SLC24A2: variants seen among roughly 807,000 people sequenced by gnomAD.
The protein encoded by SLC24A2 is solute carrier family 24 member 2, also known as sodium/potassium/calcium exchanger 2.
In SLC24A2, 36 loss-of-function variants were observed where a neutral mutation model predicts 62.0. The observed-to-expected ratio is 0.58, with a 90% CI of 0.44 to 0.77. The LOEUF (loss-of-function observed/expected upper bound fraction) is 0.77, where lower values mean the gene tolerates loss of function less well. Among genes scored for constraint, SLC24A2 ranks in the 30% least tolerant of loss-of-function variants. The probability of loss-of-function intolerance (pLI) is 0.00; values close to 1 mark genes in which losing one functional copy is unlikely to be tolerated. For missense variants in SLC24A2, 846 were observed against 817.9 expected (o/e 1.03, Z -0.42); for synonymous variants, 358 against 294.0 (o/e 1.22, Z -2.23).
At chr9:19,919,596 A>G in the SLC24A2 span, among the ~76,000 whole-genome samples, 1 of 152,184 alleles carries the variant, frequency 6.6e-6, no homozygotes, top group Non-Finnish European at 1.5e-5. Context: ...GTCTGTATTA[A>G]TTTATTCTCA....
At chr9:20,051,507 GA>G in the SLC24A2 span, among the ~76,000 whole-genome samples, 1 of 151,944 alleles carries the variant, frequency 6.6e-6, no homozygotes, top group African/African-American at 2.4e-5. Context: ...TGGACATACA[GA>G]GAACAGTACT....
At position 19,786,738 on chromosome 9, in the gene SLC24A2, G is replaced by T; in HGVS notation, c.129C>A (p.Phe43Leu). Reference protein sequence around the residue: ...KLKLIRVLGLFMGLVAISTVS... With the variant: ...KLKLIRVLGLLMGLVAISTVS... ...CAGTGCTAATGGCTACCAGACCCAT[G>T]AAAAGGCCTAAGACTCGAATTAACT... Residue 43 changes from phenylalanine to leucine, a missense_variant, in exon 2 of 11, where the codon TTC becomes TTA. By Grantham distance (22) the Phe-to-Leu change is conservative. Transcript: ENST00000341998. The surrounding 1 kb of genome is among the most constrained non-coding windows in gnomAD (Gnocchi z 5.0). 1 of 1,604,870 alleles carries T rather than the reference G, an allele frequency of 6.2e-7. No homozygotes were observed. The highest frequency in any genetic ancestry group is 1.1e-5 in the South Asian group (1 of 89,964).
At chr9:19,898,558 T>G in the SLC24A2 span, among the ~76,000 whole-genome samples, 1 of 151,930 alleles carries the variant, frequency 6.6e-6, no homozygotes, top group Non-Finnish European at 1.5e-5. Flanking sequence ...CTGGCTAACA[T>G]GGAGAAACTC....
At chr9:20,256,685 G>A in the SLC24A2 span, among the ~76,000 whole-genome samples, 3 of 152,074 alleles carry the variant, frequency 2.0e-5, no homozygotes, top group Admixed American at 6.6e-5. Context: ...GAGAGGTTGG[G>A]ATCAGATTTT....
the SLC24A2 span, among the ~76,000 whole-genome samples, chr9:19,861,170 C>G: frequency 3.9e-5 from 6 of 152,156 alleles, no homozygotes; most frequent in Admixed American, 6.5e-5. Flanking sequence ...ATCCAGTACA[C>G]TCCTAGGGAT....
At chr9:20,154,643 TAAGGTTAAAAAAAAA>T in the SLC24A2 span, among the ~76,000 whole-genome samples, 2 of 37,304 alleles carry the variant, frequency 5.4e-5, no homozygotes, top group African/African-American at 1.9e-4. Context: ...CAGTGTTTTC[TAAGGTTAAAAAAAAA>T]AAAAAATTGG....
chr9:19,585,570 G>A lies in SLC24A2; in HGVS notation c.1130-8548C>T, dbSNP rs144256251. Among the ~76,000 whole-genome samples the A allele has an allele frequency of 4.5e-3, 688 of 152,268 alleles. 4 individuals carry two copies. Among genetic ancestry groups the A allele is most frequent in the Non-Finnish European group, 7.1e-3 (482 of 68,018 alleles). On this transcript the variant is annotated intron_variant, in intron 5 of 10. Coordinates refer to ENST00000341998, the MANE Select transcript of SLC24A2 (RefSeq NM_020344.4). ...GGCTACTAAGATGTCATTGCTCCTA[G>A]CCTTTCTTAGTGGACAGAGCTAAGA...
intron 2 of SLC24A2, among the ~76,000 whole-genome samples, chr9:19,724,137 G>A (rs899047598): frequency 3.9e-5 from 6 of 152,168 alleles, no homozygotes; most frequent in African/African-American, 1.4e-4. Context: ...ACCTGGGACA[G>A]AATGTTAATG....
the SLC24A2 span, among the ~76,000 whole-genome samples, chr9:20,029,047 C>T: frequency 6.6e-6 from 1 of 152,208 alleles, no homozygotes; most frequent in Non-Finnish European, 1.5e-5. Context: ...ACTACACACA[C>T]CCTCCATCAC....
the SLC24A2 span, among the ~76,000 whole-genome samples, chr9:19,850,718 T>C: frequency 6.6e-6 from 1 of 151,760 alleles, no homozygotes; most frequent in East Asian, 1.9e-4. Context: ...ATACAATATG[T>C]AGTGTTTTAT....
At chr9:19,652,062 G>T (rs906763664) in intron 2 of SLC24A2, among the ~76,000 whole-genome samples, 2 of 152,170 alleles carry the variant, frequency 1.3e-5, no homozygotes, top group African/African-American at 4.8e-5. Context: ...TAAGTGTTCT[G>T]CATAGAGAGG....
chr9:19,988,290 C>T, the SLC24A2 span, among the ~76,000 whole-genome samples: 1 of 152,150 alleles, frequency 6.6e-6, no homozygotes, highest in African/African-American at 2.4e-5. Flanking sequence ...CCACACAGCC[C>T]CAGATGGTCA....
At chr9:20,173,787 T>A in the SLC24A2 span, among the ~76,000 whole-genome samples, 1 of 151,916 alleles carries the variant, frequency 6.6e-6, no homozygotes, top group South Asian at 2.1e-4. Context: ...AAGCAATCTA[T>A]AAGTTCAATG....
the SLC24A2 span, among the ~76,000 whole-genome samples, chr9:20,008,111 G>T: frequency 6.6e-6 from 1 of 151,632 alleles, no homozygotes; most frequent in Non-Finnish European, 1.5e-5. Context: ...GGCCAGGCTG[G>T]TCTTGAACTC....
chr9:19,609,165 C>G (rs566104192), intron 4 of SLC24A2, among the ~76,000 whole-genome samples: 2 of 152,400 alleles, frequency 1.3e-5, no homozygotes, highest in African/African-American at 4.8e-5. Context: ...CACCAGGGCG[C>G]TTGCCATGCC....
the SLC24A2 span, among the ~76,000 whole-genome samples, chr9:19,933,732 C>T: frequency 6.6e-6 from 1 of 152,178 alleles, no homozygotes; most frequent in African/African-American, 2.4e-5. Flanking sequence ...TGTTCATCAA[C>T]TGATGAATGG....
At chr9:19,593,113 C>T (rs1416635917) in intron 5 of SLC24A2, among the ~76,000 whole-genome samples, 4 of 152,192 alleles carry the variant, frequency 2.6e-5, no homozygotes, top group South Asian at 2.1e-4. Flanking sequence ...GTGGAGACAT[C>T]GCCTGCCAGG....
the SLC24A2 span, among the ~76,000 whole-genome samples, chr9:20,131,942 G>T: frequency 6.6e-6 from 1 of 152,132 alleles, no homozygotes; most frequent in East Asian, 1.9e-4. Context: ...GGCATAAATG[G>T]TAAACAGTTT....
chr9:19,691,080 A>C, intron 2 of SLC24A2, among the ~76,000 whole-genome samples: 1 of 152,194 alleles, frequency 6.6e-6, no homozygotes, highest in Non-Finnish European at 1.5e-5. Flanking sequence ...GACGTCCAGC[A>C]CAAGGTGTTC....
Sources: gnomAD v4.1 joint callset for allele counts (sites outside exome capture counted in the v4.1 genomes callset) on GRCh38, gnomAD v4.1.1 for gene constraint, Gnocchi (gnomAD v3.1) non-coding constraint, MANE v1.5 for transcripts, NCBI Gene and HGNC (gene_info 2026-07-23, HGNC 2026-07-21) for gene names.